SMURF1: variants seen among roughly 807,000 people sequenced by gnomAD.
The protein encoded by SMURF1 is E3 ubiquitin-protein ligase SMURF1.
In SMURF1, 44 loss-of-function variants were observed where a neutral mutation model predicts 98.0. The observed-to-expected ratio is 0.45, with a 90% CI of 0.35 to 0.58. The LOEUF is 0.58. Ranked by LOEUF, SMURF1 falls within the 20% of genes least tolerant of loss-of-function variation. The probability of loss-of-function intolerance (pLI) is 0.00; values close to 1 mark genes in which losing one functional copy is unlikely to be tolerated. For synonymous variants in SMURF1, 396 were observed against 374.9 expected (o/e 1.06, Z -0.65); for missense variants, 687 against 938.4 (o/e 0.73, Z 3.50).
chr7:99,049,855 G>A (rs900905074), intron 8 of SMURF1, 146 bp from the exon 9 acceptor site: 54 of 707,208 alleles, frequency 7.6e-5, no homozygotes, highest in Admixed American at 2.1e-4. Flanking sequence ...TGCTACTTAC[G>A]CCAAACCTCT....
intron 6 of SMURF1, among the ~76,000 whole-genome samples, 157 bp from the exon 7 acceptor site, chr7:99,052,603 C>T (rs1464499055): frequency 1.3e-5 from 2 of 152,192 alleles, no homozygotes; most frequent in Admixed American, 1.3e-4. Flanking sequence ...GTAAAATTCA[C>T]CATGTGCCAC....
At chr7:99,045,180 A>C (rs1191510304) in intron 11 of SMURF1, among the ~76,000 whole-genome samples, 3 of 152,246 alleles carry the variant, frequency 2.0e-5, no homozygotes, top group Non-Finnish European at 4.4e-5. Flanking sequence ...AGCTGAAAAG[A>C]AGCAGGACAT....
chr7:99,071,410 C>T (rs748223680), intron 1 of SMURF1, among the ~76,000 whole-genome samples: 15 of 152,096 alleles, frequency 9.9e-5, no homozygotes, highest in Non-Finnish European at 4.4e-5. Context: ...ATGAAGGAAC[C>T]GTCATTTTTA....
chr7:99,057,113 A>G, intron 5 of SMURF1, 92 bp downstream of exon 5: 4 of 1,375,298 alleles, frequency 2.9e-6, no homozygotes, highest in Non-Finnish European at 1.0e-6. Context: ...GCCCGTCAGC[A>G]TCGTCAGTGC....
chr7:99,121,558 C>T (rs1428678157), intron 1 of SMURF1, among the ~76,000 whole-genome samples: 1 of 152,098 alleles, frequency 6.6e-6, no homozygotes, highest in Non-Finnish European at 1.5e-5. Flanking sequence ...CTTCTCCCCG[C>T]CCCCAGTCAG....
intron 1 of SMURF1, among the ~76,000 whole-genome samples, chr7:99,120,127 C>T (rs930277465): frequency 2.0e-5 from 3 of 152,112 alleles, no homozygotes; most frequent in African/African-American, 7.2e-5. Context: ...GCACCTCACC[C>T]CTTCCCTCAC....
Position 99,143,797 on chromosome 7 carries a change from G to A in SMURF1, c.-17C>T. ...GTTCGACATCTCCCGCCAACGATCG[G>A]GCAGCCGCGGATCCAGCGCCACCGC... On this transcript the variant is annotated 5_prime_UTR_variant, in exon 1 of 18. Transcript: ENST00000361368. 2 of 1,550,240 alleles carry A rather than the reference G, an allele frequency of 1.3e-6. No individual in the cohort carries two copies. Among genetic ancestry groups the A allele is most frequent in the Non-Finnish European group, 1.7e-6 (2 of 1,151,702 alleles).
At chr7:99,031,399 A>G (rs1368511572) in intron 17 of SMURF1, 5 of 152,234 alleles carry the variant, frequency 3.3e-5, no homozygotes, top group African/African-American at 7.2e-5. Flanking sequence ...TTAAGAAGCT[A>G]TCGTAGCAAA....
chr7:99,078,076 A>G (rs566164848), intron 1 of SMURF1, among the ~76,000 whole-genome samples: 282 of 152,270 alleles, frequency 1.9e-3, no homozygotes, highest in Non-Finnish European at 3.1e-3. Flanking sequence ...AGGCAGGTGG[A>G]TCACCTGAGG....
intron 1 of SMURF1, among the ~76,000 whole-genome samples, chr7:99,130,145 A>G (rs1797839522): frequency 6.6e-6 from 1 of 152,154 alleles, no homozygotes; most frequent in African/African-American, 2.4e-5. Context: ...CTGTACCTGA[A>G]TTTTGTTTAA....
At chr7:99,034,573 A>G (rs1461457309) in intron 16 of SMURF1, among the ~76,000 whole-genome samples, 1 of 152,148 alleles carries the variant, frequency 6.6e-6, no homozygotes, top group African/African-American at 2.4e-5. Flanking sequence ...GAATGGGGCT[A>G]ATAATCCCCA....
At chr7:99,077,312 C>CT (rs914687646) in intron 1 of SMURF1, among the ~76,000 whole-genome samples, 4 of 149,736 alleles carry the variant, frequency 2.7e-5, no homozygotes, top group African/African-American at 7.3e-5. Context: ...TAATCCACTT[C>CT]TTTTTTTTTA....
intron 1 of SMURF1, among the ~76,000 whole-genome samples, chr7:99,101,603 A>G (rs955009835): frequency 2.0e-5 from 3 of 152,226 alleles, no homozygotes; most frequent in Non-Finnish European, 4.4e-5. Context: ...GGAATTCCAC[A>G]TCTAAAGGTC....
chr7:99,070,219 G>A (rs1796285973), intron 1 of SMURF1, among the ~76,000 whole-genome samples: 2 of 152,184 alleles, frequency 1.3e-5, no homozygotes, highest in Non-Finnish European at 2.9e-5. Context: ...AGACACAACT[G>A]AGCCCCAAGG....
At chr7:99,044,706 G>A (rs1429505930) in intron 11 of SMURF1, among the ~76,000 whole-genome samples, 1 of 152,116 alleles carries the variant, frequency 6.6e-6, no homozygotes, top group Non-Finnish European at 1.5e-5. Flanking sequence ...AATGATGGAA[G>A]AACTAAAAAG....
At chr7:99,139,484 A>C (rs181435205) in intron 1 of SMURF1, among the ~76,000 whole-genome samples, 45 of 152,332 alleles carry the variant, frequency 3.0e-4, no homozygotes, top group African/African-American at 1.1e-3. Flanking sequence ...CATTACAATA[A>C]AATTTAATTT....
chr7:99,059,402 AAAAATAAAATAAAAT>A (rs59050463), intron 3 of SMURF1, among the ~76,000 whole-genome samples: 15,359 of 76,984 alleles, frequency 0.2, 1,591 homozygotes, highest in East Asian at 0.3. Context: ...CATCTCAAAA[AAAAATAAAATAAAAT>A]AAAATAAAAT....
At chr7:99,065,652 T>A (rs1398325531) in intron 1 of SMURF1, among the ~76,000 whole-genome samples, 1 of 152,164 alleles carries the variant, frequency 6.6e-6, no homozygotes, top group African/African-American at 2.4e-5. Flanking sequence ...AGCTCTCATA[T>A]AAAATTCCAA....
At position 99,038,468 on chromosome 7, in the gene SMURF1, G is replaced by A. The variant is rs1242813979; in HGVS notation, c.1608C>T (p.Phe536=). Residue 536 remains phenylalanine, a synonymous_variant, in exon 14 of 18, where the codon TTC becomes TTT. Coordinates refer to ENST00000361368, the MANE Select transcript of SMURF1 (RefSeq NM_181349.3). ...DHTFCVEHNA[F]GRILQHELKP... ...TCAGTTCATGCTGCAGGATCCGCCC[G>A]AAGGCGTTGTGTTCCACGCAGAAGG... The A allele has an allele frequency of 1.1e-5, 17 of 1,614,132 alleles. No individual in the cohort carries two copies. Among genetic ancestry groups the A allele is most frequent in the South Asian group, 2.2e-5 (2 of 91,094 alleles).
Sources: gnomAD v4.1 joint callset for allele counts (sites outside exome capture counted in the v4.1 genomes callset) on GRCh38, gnomAD v4.1.1 for gene constraint, MANE v1.5 for transcripts, NCBI Gene and HGNC (gene_info 2026-07-23, HGNC 2026-07-21) for gene names.